The following PRH1 variants were observed in gnomAD, a reference collection of about 807,000 sequenced individuals.
The protein encoded by PRH1 is salivary acidic proline-rich phosphoprotein 1/2.
A neutral mutation model predicts 7.9 loss-of-function variants in PRH1; 7 were observed. That is an observed-to-expected ratio of 0.89 (90% CI 0.50 to 1.67). The LOEUF is 1.67. Among genes scored for constraint, PRH1 ranks in the 40% most tolerant of loss-of-function variants. The pLI is 0.00. For missense variants in PRH1, 109 were observed against 223.6 expected (o/e 0.49, Z 3.27); for synonymous variants, 45 against 80.8 (o/e 0.56, Z 2.38).
rs113758745 is a variant in PRH1, at chr12:11,040,507, T to C, written c.-126+6513A>G. Among the ~76,000 whole-genome samples, 970 of 152,246 alleles carry C rather than the reference T, an allele frequency of 6.4e-3. 10 individuals are homozygous for C. The highest frequency in any genetic ancestry group is 0.022 in the African/African-American group (909 of 41,544). ...ACATGTTATCACTCATAAGTGGGAATTGAACAGTGAGAACACACAGACACA... is the reference window on the plus strand; with the variant it reads ...ACATGTTATCACTCATAAGTGGGAACTGAACAGTGAGAACACACAGACACA... On this transcript the variant is annotated intron_variant, in intron 1 of 3. Transcript: ENST00000539853.
At chr12:10,949,262 T>C (rs1474449374) in intron 2 of PRH1, among the ~76,000 whole-genome samples, 1 of 152,192 alleles carries the variant, frequency 6.6e-6, no homozygotes, top group Admixed American at 6.5e-5. Flanking sequence ...GGAGGGTTTG[T>C]GCATTTGTGG....
chr12:10,930,560 G>A (rs1198567683), intron 2 of PRH1: 9 of 1,562,488 alleles, frequency 5.8e-6, no homozygotes, highest in Non-Finnish European at 6.9e-6. Context: ...TTGAGAGGCA[G>A]GTCAGGGAGA....
intron 1 of PRH1, among the ~76,000 whole-genome samples, chr12:10,883,832 C>T (rs1041292148): frequency 1.1e-4 from 16 of 152,194 alleles, no homozygotes; most frequent in Admixed American, 1.3e-4. Context: ...GGGATCAGTA[C>T]AGGATCTTCA....
At chr12:11,099,818 C>A (rs541604851) in intron 1 of PRH1, among the ~76,000 whole-genome samples, 5 of 152,140 alleles carry the variant, frequency 3.3e-5, no homozygotes, top group Admixed American at 6.5e-5. Flanking sequence ...CTCTGCTAAA[C>A]CAAGAGTGTG....
chr12:10,953,770 G>A (rs938693508), intron 2 of PRH1, among the ~76,000 whole-genome samples: 13 of 151,764 alleles, frequency 8.6e-5, no homozygotes, highest in African/African-American at 2.9e-4. Flanking sequence ...GAACCCCTAC[G>A]AAATACTACA....
chr12:10,928,642 T>C (rs935569573), intron 2 of PRH1, among the ~76,000 whole-genome samples: 2 of 152,220 alleles, frequency 1.3e-5, no homozygotes, highest in East Asian at 1.9e-4. Flanking sequence ...TCCTGTAGCA[T>C]GAGGAGGCTG....
At chr12:10,903,856 CA>C (rs1949758768) in intron 2 of PRH1, among the ~76,000 whole-genome samples, 1 of 140,224 alleles carries the variant, frequency 7.1e-6, no homozygotes, top group South Asian at 2.3e-4. Flanking sequence ...TCACAAAAAT[CA>C]GTAGCATTTC....
intron 1 of PRH1, among the ~76,000 whole-genome samples, chr12:10,990,391 C>G (rs1939876705): frequency 6.6e-6 from 1 of 152,160 alleles, no homozygotes; most frequent in Non-Finnish European, 1.5e-5. Context: ...AAAGAGCATT[C>G]CGAGAAGAAG....
chr12:11,027,686 T>A (rs1426933435), intron 1 of PRH1, among the ~76,000 whole-genome samples: 1 of 152,182 alleles, frequency 6.6e-6, no homozygotes, highest in Non-Finnish European at 1.5e-5. Flanking sequence ...TGCTCCAAGC[T>A]GCTCTGGCCA....
At chr12:10,930,422 G>C in intron 2 of PRH1, 3 of 1,478,096 alleles carry the variant, frequency 2.0e-6, no homozygotes, top group Non-Finnish European at 2.8e-6. Context: ...GTGCCCCAGA[G>C]ATATAAACAG....
chr12:11,153,854 A>G (rs1251319015), intron 1 of PRH1, among the ~76,000 whole-genome samples: 1 of 152,190 alleles, frequency 6.6e-6, no homozygotes, highest in East Asian at 1.9e-4. Context: ...GAATGGGTAG[A>G]TATAACAATA....
At chr12:11,127,662 C>T (rs796315200) in intron 1 of PRH1, among the ~76,000 whole-genome samples, 880 of 39,094 alleles carry the variant, frequency 0.023, no homozygotes, top group East Asian at 0.059. Flanking sequence ...GGAAAAATTA[C>T]TGTCCTATAA....
upstream of PRH1, chr12:11,048,810 C>T (rs1591888737): frequency 3.4e-6 from 1 of 294,616 alleles, no homozygotes; most frequent in East Asian, 8.0e-5. Context: ...CACTCTCACC[C>T]GTGGTTATCA....
At chr12:11,088,184 T>C (rs1944771512) in intron 1 of PRH1, among the ~76,000 whole-genome samples, 1 of 127,798 alleles carries the variant, frequency 7.8e-6, no homozygotes, top group South Asian at 2.3e-4. Context: ...CTACAGAAAA[T>C]ACAAAAATTA....
At chr12:10,959,144 AAGAG>A (rs1422778156) in intron 2 of PRH1, among the ~76,000 whole-genome samples, 2 of 152,164 alleles carry the variant, frequency 1.3e-5, no homozygotes, top group African/African-American at 4.8e-5. Flanking sequence ...TAGGTTCTGA[AAGAG>A]AGAAAATATT....
intron 1 of PRH1, among the ~76,000 whole-genome samples, chr12:11,135,290 A>C (rs1946514481): frequency 6.6e-6 from 1 of 152,082 alleles, no homozygotes; most frequent in Non-Finnish European, 1.5e-5. Context: ...AAATTAATAC[A>C]CTTTGCATAG....
intron 2 of PRH1, among the ~76,000 whole-genome samples, chr12:10,893,130 T>C (rs1488920452): frequency 1.3e-5 from 2 of 152,366 alleles, no homozygotes; most frequent in South Asian, 4.1e-4. Flanking sequence ...TTACATTTTA[T>C]GCTGGATAAT....
chr12:11,062,382 T>C, intron 1 of PRH1: 4 of 1,378,754 alleles, frequency 2.9e-6, no homozygotes, highest in South Asian at 1.5e-5. Flanking sequence ...AAATTCTATA[T>C]GCACCTGATT....
chr12:10,909,262 T>A, intron 2 of PRH1: 1 of 1,613,544 alleles, frequency 6.2e-7, no homozygotes, highest in Non-Finnish European at 8.5e-7. Flanking sequence ...TCTGCAATTA[T>A]TACAAGAGTG....
Sources: allele counts gnomAD v4.1 joint callset (sites outside exome capture counted in the v4.1 genomes callset), GRCh38; gene constraint gnomAD v4.1.1; transcripts MANE v1.5; gene names NCBI Gene and HGNC (gene_info 2026-07-23, HGNC 2026-07-21).